Variants in ZYG11B observed in about 807,000 individuals in gnomAD.
ZYG11B encodes zyg-11 family member B, cell cycle regulator, also known as protein zyg-11 homolog B.
A neutral mutation model predicts 82.4 loss-of-function variants in ZYG11B; 36 were observed. That is an observed-to-expected ratio of 0.44 (90% CI 0.33 to 0.58). The LOEUF (loss-of-function observed/expected upper bound fraction) is 0.58. ZYG11B is among the 20% of genes least tolerant of loss of function. ZYG11B has a pLI of 0.02. For synonymous variants in ZYG11B, 303 were observed against 312.8 expected, an observed-to-expected ratio of 0.97 and a Z score of 0.33; for missense variants, 552 against 895.6, an observed-to-expected ratio of 0.62 and a Z score of 4.90.
At chr1:52,798,092 C>T (rs1645043330) in intron 8 of ZYG11B, among the ~76,000 whole-genome samples, 1 of 151,462 alleles carries the variant, frequency 6.6e-6, no homozygotes, top group South Asian at 2.1e-4. Flanking sequence ...CACTGCACTC[C>T]AGCCTGGGTG....
intron 8 of ZYG11B, among the ~76,000 whole-genome samples, chr1:52,798,725 G>A (rs1645049254): frequency 6.6e-6 from 1 of 152,148 alleles, no homozygotes; most frequent in African/African-American, 2.4e-5. Context: ...TGGGGAAGCA[G>A]ATACATGATT....
intron 2 of ZYG11B, among the ~76,000 whole-genome samples, chr1:52,762,739 G>A (rs1232859376): frequency 1.3e-5 from 2 of 151,772 alleles, no homozygotes; most frequent in African/African-American, 2.4e-5. Flanking sequence ...CCGCCACCAT[G>A]TCCAGCTAAT....
chr1:52,777,082 C>T (rs999525621), intron 3 of ZYG11B, among the ~76,000 whole-genome samples: 5 of 151,578 alleles, frequency 3.3e-5, no homozygotes, highest in Non-Finnish European at 5.9e-5. Context: ...TGGTGGCGGG[C>T]GCCTGTAATC....
rs1440821726 is a variant in ZYG11B at position 52,797,079 on chromosome 1, TGTATATA to T, written c.1485+296_1485+302del. 1.1e-4 allele frequency among the ~76,000 whole-genome samples: 8 copies of T among 73,374 alleles called. No individual in the cohort carries two copies. The South Asian group carries it at 1.4e-3, about 13-fold the overall frequency. The allele number at this position is 73,374 out of a possible 152,430, so 48.1% of individuals were successfully genotyped here. A position where few individuals can be genotyped will look rare whatever the true frequency, so the allele number is the denominator to read the frequency against. On this transcript the variant is annotated intron_variant, in intron 8 of 13. Coordinates refer to ENST00000294353, the MANE Select transcript of ZYG11B (RefSeq NM_024646.3). ...TTATATATATTTATATATTATATAT[TGTATATA>T]TTTATATATTACATATTGTATATAT...
intron 10 of ZYG11B, chr1:52,805,227 C>G (rs1645132609): frequency 3.3e-6 from 1 of 300,288 alleles, no homozygotes; most frequent in Admixed American, 4.2e-5. Flanking sequence ...AAGCAGACCT[C>G]TGCTCTCAAG....
chr1:52,763,827 T>G (rs1388505996), intron 2 of ZYG11B, among the ~76,000 whole-genome samples: 3 of 152,186 alleles, frequency 2.0e-5, no homozygotes, highest in Non-Finnish European at 4.4e-5. Context: ...TAATCTAAAT[T>G]TATAAATCTT....
At chr1:52,756,097 A>G (rs1644573954) in intron 1 of ZYG11B, among the ~76,000 whole-genome samples, 1 of 152,066 alleles carries the variant, frequency 6.6e-6, no homozygotes, top group South Asian at 2.1e-4. Flanking sequence ...CTTCATACTC[A>G]TGTCTGAACA....
At chr1:52,813,514 A>G (rs1162960398) in intron 10 of ZYG11B, 22 bp from the exon 11 acceptor site, 1 of 1,551,156 alleles carries the variant, frequency 6.4e-7, no homozygotes. Context: ...ATTAATTTTT[A>G]TATTTTCTTT....
chr1:52,765,203 TA>T (rs549017548), intron 2 of ZYG11B, among the ~76,000 whole-genome samples: 51 of 151,792 alleles, frequency 3.4e-4, no homozygotes, highest in African/African-American at 1.2e-3. Context: ...TTTTTTTAAT[TA>T]AAAAAAATTA....
chr1:52,807,034 A>G (rs1260165556), intron 10 of ZYG11B, among the ~76,000 whole-genome samples: 5 of 151,846 alleles, frequency 3.3e-5, no homozygotes, highest in African/African-American at 1.2e-4. Context: ...GTGTCCGGCA[A>G]ATTTTTGTAT....
chr1:52,783,099 A>C (rs913844542), intron 4 of ZYG11B, among the ~76,000 whole-genome samples: 1 of 151,442 alleles, frequency 6.6e-6, no homozygotes, highest in African/African-American at 2.4e-5. Flanking sequence ...GCTAATTTTT[A>C]TATTTTTAGT....
intron 1 of ZYG11B, among the ~76,000 whole-genome samples, chr1:52,738,566 C>G (rs1037371357): frequency 2.7e-5 from 4 of 149,692 alleles, no homozygotes; most frequent in Non-Finnish European, 5.9e-5. Flanking sequence ...TTTCCAGTGT[C>G]TTAATGCCTA....
At position 52,760,405 on chromosome 1, in the gene ZYG11B, T is replaced by C. The variant is rs138626789; in HGVS notation, c.196+3782T>C. ...GTTGCAGTGAGCCAAGATTGCACCA[T>C]TGTACTCCAGCCTGGGCGACAAGAA... is the stretch of plus-strand genomic sequence containing the variant. On this transcript the variant is annotated intron_variant, in intron 2 of 13. Coordinates refer to ENST00000294353, the MANE Select transcript of ZYG11B (RefSeq NM_024646.3). Among the ~76,000 whole-genome samples the C allele has an allele frequency of 8.2e-3, 1,249 of 152,076 alleles. 17 individuals carry two copies. In the Middle Eastern group the frequency reaches 0.13, roughly 16 times the overall value.
At chr1:52,818,809 T>C (rs1285673661) in intron 13 of ZYG11B, among the ~76,000 whole-genome samples, 1 of 151,634 alleles carries the variant, frequency 6.6e-6, no homozygotes, top group Admixed American at 6.6e-5. Flanking sequence ...TTTTTTTTTT[T>C]TGGAGACGGA....
At chr1:52,801,725 G>T (rs893002235) in intron 8 of ZYG11B, 94 bp from the exon 9 acceptor site, 4 of 1,038,966 alleles carry the variant, frequency 3.8e-6, no homozygotes, top group Non-Finnish European at 5.5e-6. Context: ...TTTAAGCCAT[G>T]AGACTAATCC....
intron 4 of ZYG11B, among the ~76,000 whole-genome samples, chr1:52,782,749 G>A (rs973553778): frequency 2.0e-5 from 3 of 151,542 alleles, no homozygotes; most frequent in African/African-American, 7.3e-5. Context: ...GGCTAATTTT[G>A]TAGAGACGGG....
intron 12 of ZYG11B, 74 bp from the exon 13 acceptor site, chr1:52,816,458 T>C (rs1432146676): frequency 9.8e-7 from 1 of 1,025,638 alleles, no homozygotes; most frequent in Non-Finnish European, 1.5e-6. Flanking sequence ...AAATGAAAAG[T>C]TTAGGAATCA....
At chr1:52,774,955 C>T (rs1045693143) in intron 3 of ZYG11B, among the ~76,000 whole-genome samples, 1 of 152,144 alleles carries the variant, frequency 6.6e-6, no homozygotes, top group East Asian at 1.9e-4. Flanking sequence ...ATCTGCTAAA[C>T]CCAGTGTTAG....
intron 1 of ZYG11B, among the ~76,000 whole-genome samples, chr1:52,729,121 G>A (rs532320656): frequency 3.9e-5 from 6 of 152,286 alleles, no homozygotes; most frequent in Admixed American, 6.5e-5. Flanking sequence ...TCAGTGTCTC[G>A]TGAGGGCTCT....
Sources: gnomAD v4.1 joint callset for allele counts (sites outside exome capture counted in the v4.1 genomes callset) on GRCh38, gnomAD v4.1.1 for gene constraint, MANE v1.5 for transcripts, NCBI Gene and HGNC (gene_info 2026-07-23, HGNC 2026-07-21) for gene names.